The following ARHGAP20 variants were observed in gnomAD, a reference collection of about 807,000 sequenced individuals.
ARHGAP20 encodes the protein rho GTPase-activating protein 20.
Under a neutral mutation model 73.7 loss-of-function variants are expected in ARHGAP20, and 34 were observed. That is an observed-to-expected ratio of 0.46 (90% CI 0.35 to 0.61). ARHGAP20 has a LOEUF of 0.61. Among genes scored for constraint, ARHGAP20 ranks in the 20% least tolerant of loss-of-function variants. ARHGAP20 has a pLI of 0.00. For missense variants in ARHGAP20, 1,314 were observed against 1,420.9 expected, an observed-to-expected ratio of 0.92 and a Z score of 1.21; for synonymous variants, 523 against 518.2, an observed-to-expected ratio of 1.01 and a Z score of -0.13.
intron 2 of ARHGAP20, among the ~76,000 whole-genome samples, chr11:110,631,693 T>C (rs111451241): frequency 2.5e-4 from 38 of 152,272 alleles, no homozygotes; most frequent in African/African-American, 8.7e-4. Flanking sequence ...GCTCTGATTC[T>C]TTTCTCCCCT....
At chr11:110,628,078 C>G (rs774922070) in intron 3 of ARHGAP20, among the ~76,000 whole-genome samples, 2 of 152,156 alleles carry the variant, frequency 1.3e-5, no homozygotes, top group Non-Finnish European at 2.9e-5. Flanking sequence ...TACTGTTGTA[C>G]TTACTAAAAT....
In ARHGAP20 at chr11:110,606,623, C is replaced by T. The variant is rs371577495; in HGVS notation, c.902G>A (p.Arg301Gln). The change falls in exon 9 of 15, where the codon CGA (arginine) becomes CAA (glutamine). Residue 301 changes from arginine (R) to glutamine (Q), a missense_variant. Physicochemically the swap from Arg to Gln is conservative, Grantham distance 43. Around this residue, in one of 3 missense-constraint regions of ARHGAP20, gnomAD observed 443 missense variants for 466.4 expected, o/e 0.95. Coordinates refer to ENST00000683387, the MANE Select transcript of ARHGAP20 (RefSeq NM_001384657.1). ...QEPFLMEQLP[R>Q]EMQCQFILKP... ...CAGGATGAACTGGCACTGCATCTCT[C>T]GGGGGAGCTGTTCCATAAGGAAGGG... The T allele has an allele frequency of 2.3e-5, 37 of 1,612,434 alleles. No homozygotes were observed. The highest frequency in any genetic ancestry group is 6.7e-5 in the African/African-American group (5 of 74,656).
intron 2 of ARHGAP20, among the ~76,000 whole-genome samples, chr11:110,635,413 C>T (rs1398550225): frequency 2.0e-5 from 3 of 152,116 alleles, no homozygotes; most frequent in East Asian, 1.9e-4. Flanking sequence ...TTGATTCTAA[C>T]GCACATTAGA....
At chr11:110,598,993 C>A (rs553609866) in intron 9 of ARHGAP20, among the ~76,000 whole-genome samples, 1 of 152,088 alleles carries the variant, frequency 6.6e-6, no homozygotes, top group South Asian at 2.1e-4. Context: ...AGGAGCTGCA[C>A]CTGTCCAAGT....
Position 110,582,164 on chromosome 11 carries a change from C to T in ARHGAP20, c.1720+157G>A, listed in dbSNP as rs73553939. 4.6e-3 allele frequency among the ~76,000 whole-genome samples: 696 copies of T among 152,308 alleles called. 9 individuals are homozygous for T. The highest frequency in any genetic ancestry group is 0.016 in the African/African-American group (667 of 41,566). On this transcript the variant is annotated intron_variant, in intron 14 of 14. Transcript: ENST00000683387. ...ATATGCTGACCTATTGGCAGGCCATCTAAGGAAGGATCAAAAAGCCCTGGG... is the reference window on the plus strand; with the variant it reads ...ATATGCTGACCTATTGGCAGGCCATTTAAGGAAGGATCAAAAAGCCCTGGG...
chr11:110,651,599 T>C (rs1338160991), intron 2 of ARHGAP20, among the ~76,000 whole-genome samples: 1 of 151,604 alleles, frequency 6.6e-6, no homozygotes, highest in Non-Finnish European at 1.5e-5. Flanking sequence ...GATAAACACC[T>C]CTAAGCAAAT....
At chr11:110,590,902 G>A (rs994752727) in intron 10 of ARHGAP20, 93 bp from the exon 11 acceptor site, 3 of 1,287,184 alleles carry the variant, frequency 2.3e-6, no homozygotes, top group Admixed American at 2.7e-5. Flanking sequence ...AGGCTAGGGT[G>A]CGCTAGGGTA....
chr11:110,655,763 A>T (rs1949452251), intron 2 of ARHGAP20, among the ~76,000 whole-genome samples: 1 of 152,056 alleles, frequency 6.6e-6, no homozygotes, highest in Admixed American at 6.6e-5. Flanking sequence ...CACAGAGATG[A>T]CCAAAAAAGA....
intron 2 of ARHGAP20, among the ~76,000 whole-genome samples, chr11:110,687,087 G>GACACACACACGC: frequency 7.3e-6 from 1 of 136,794 alleles, no homozygotes; most frequent in East Asian, 2.2e-4. Flanking sequence ...CATATATATA[G>GACACACACACGC]ACACACACAC....
chr11:110,652,245 T>C (rs1474257992), intron 2 of ARHGAP20, among the ~76,000 whole-genome samples: 5 of 152,088 alleles, frequency 3.3e-5, no homozygotes, highest in Non-Finnish European at 2.9e-5. Flanking sequence ...CTCAAAATAG[T>C]AAGAGCCATT....
At chr11:110,640,586 T>C (rs1242332847) in intron 2 of ARHGAP20, among the ~76,000 whole-genome samples, 2 of 152,034 alleles carry the variant, frequency 1.3e-5, no homozygotes, top group Non-Finnish European at 2.9e-5. Context: ...TATATGGGAA[T>C]CTAATCTATG....
chr11:110,660,919 T>A lies in ARHGAP20; in HGVS notation c.188+29628A>T, dbSNP rs116019609. Among the ~76,000 whole-genome samples, 259 of 152,310 alleles carry A rather than the reference T, an allele frequency of 1.7e-3. 1 individual carries two copies. The highest frequency in any genetic ancestry group is 6.0e-3 in the African/African-American group (249 of 41,566). ...TTGCTCTGTAACCTTAGGCATCCAA[T>A]CTCTCTCACTTTTACACTCGTCATT... On this transcript the variant is annotated intron_variant, in intron 2 of 14. Transcript: ENST00000683387.
chr11:110,592,128 C>G lies in ARHGAP20; in HGVS notation c.992G>C (p.Arg331Thr). ...GAAGGCCCAGTTTATGATAGATCTT[C>G]TCCTTTTAAATGTCTTATGACCTGA... ...SDSGHKTFKR[R>T]RSIINWAFWR... The change falls in exon 10 of 15, where the codon AGA becomes ACA. Residue 331 changes from arginine (R) to threonine (T), a missense_variant. Arg to Thr is a moderately conservative substitution (Grantham distance 71). This residue lies in a region of ARHGAP20 where 443 missense variants were observed against 466.4 expected (regional missense o/e 0.95). Transcript: ENST00000683387. 1 of 1,613,974 alleles carries G rather than the reference C, an allele frequency of 6.2e-7. No individual in the cohort carries two copies.
At chr11:110,607,252 A>G (rs1948256081) in intron 8 of ARHGAP20, among the ~76,000 whole-genome samples, 2 of 152,210 alleles carry the variant, frequency 1.3e-5, no homozygotes. Context: ...GCCTAAAAAC[A>G]TTTCATTAAT....
In ARHGAP20 at chr11:110,581,086, G is replaced by T; in HGVS notation, c.1860C>A (p.Leu620=). Residue 620 remains leucine (L), a synonymous_variant, in exon 15 of 15, where the codon CTC becomes CTA. Transcript: ENST00000683387. Reference sequence around the variant, plus strand: ...CGGGCTGGTCAAGATCATAGTCACTGAGGGTTAAGACAGAGTCCATGCTTC... The same window carrying T: ...CGGGCTGGTCAAGATCATAGTCACTTAGGGTTAAGACAGAGTCCATGCTTC... ...GSRSMDSVLT[L]SDYDLDQPEV... 6.2e-7 allele frequency: 1 copy of T among 1,614,214 alleles called. No homozygotes were observed. The highest frequency in any genetic ancestry group is 1.1e-5 in the South Asian group (1 of 91,082).
At chr11:110,659,277 T>C (rs1297657829) in intron 2 of ARHGAP20, among the ~76,000 whole-genome samples, 4 of 139,678 alleles carry the variant, frequency 2.9e-5, no homozygotes, top group African/African-American at 8.0e-5. Context: ...TGGTATCTCA[T>C]TGTGGTTTTG....
chr11:110,702,653 A>G (rs1950476486), intron 1 of ARHGAP20, among the ~76,000 whole-genome samples: 1 of 152,190 alleles, frequency 6.6e-6, no homozygotes, highest in Admixed American at 6.5e-5. Flanking sequence ...TCTCAGCCCA[A>G]AATCTCCTTA....
chr11:110,585,297 C>A (rs1331426512), intron 12 of ARHGAP20, among the ~76,000 whole-genome samples: 1 of 151,282 alleles, frequency 6.6e-6, no homozygotes, highest in Non-Finnish European at 1.5e-5. Flanking sequence ...CCAAAAAAAT[C>A]CTTTAACAGC....
rs1289558837 is a variant in ARHGAP20 at position 110,577,474 on chromosome 11, A to G, written c.*1896T>C. On this transcript the variant is annotated 3_prime_UTR_variant, in exon 15 of 15. Coordinates refer to ENST00000683387, the MANE Select transcript of ARHGAP20 (RefSeq NM_001384657.1). Reference sequence around the variant, plus strand: ...ATGATTTTTTACCTGCTAACATGAAAAAAAAAAAAAAGGCAATTTCTTCCA... The same window carrying G: ...ATGATTTTTTACCTGCTAACATGAAGAAAAAAAAAAAGGCAATTTCTTCCA... 4 of 574,538 alleles carry G rather than the reference A, an allele frequency of 7.0e-6. No homozygotes were observed. The highest frequency in any genetic ancestry group is 8.9e-6 in the Non-Finnish European group (4 of 447,394). 35.6% of individuals were successfully genotyped at this position (574,538 alleles called of 1,614,324 possible).
Sources: allele counts gnomAD v4.1 joint callset (sites outside exome capture counted in the v4.1 genomes callset), GRCh38; gene constraint gnomAD v4.1.1; regional missense constraint gnomAD v4.1.1; transcripts MANE v1.5; gene names NCBI Gene and HGNC (gene_info 2026-07-23, HGNC 2026-07-21).